Variants in CEP63 observed in about 807,000 individuals in gnomAD.
The protein encoded by CEP63 is centrosomal protein of 63 kDa.
CEP63 carries 84 observed loss-of-function variants against 89.1 expected under a neutral mutation model. The observed-to-expected ratio is 0.94, with a 90% CI of 0.79 to 1.13. The LOEUF is 1.13. Ranked by LOEUF, CEP63 falls within the 50% of genes most tolerant of loss-of-function variation. CEP63 has a pLI of 0.00. For missense variants in CEP63, 838 were observed against 813.3 expected (o/e 1.03, Z -0.37); for synonymous variants, 267 against 272.5 (o/e 0.98, Z 0.20).
the CEP63 span, among the ~76,000 whole-genome samples, chr3:134,760,203 C>T: frequency 3.3e-5 from 5 of 151,786 alleles, no homozygotes; most frequent in African/African-American, 7.3e-5. Flanking sequence ...GGACTACAGG[C>T]GCCCGCCACC....
chr3:134,487,708 C>G (rs747970678), intron 1 of CEP63, among the ~76,000 whole-genome samples: 11 of 152,200 alleles, frequency 7.2e-5, no homozygotes, highest in Admixed American at 2.0e-4. Flanking sequence ...TTTACAGAGC[C>G]ACAGTACTGT....
At chr3:134,715,533 TTTTTG>T in the CEP63 span, among the ~76,000 whole-genome samples, 2 of 24,088 alleles carry the variant, frequency 8.3e-5, no homozygotes, top group Non-Finnish European at 1.6e-4. Flanking sequence ...TTTTTGTTTT[TTTTTG>T]TTTTTTCCTC....
the CEP63 span, among the ~76,000 whole-genome samples, chr3:134,706,076 A>G: frequency 6.6e-6 from 1 of 152,142 alleles, no homozygotes; most frequent in Admixed American, 6.5e-5. Flanking sequence ...AGGTAAGTGG[A>G]AGTAGGGCTT....
At chr3:134,488,317 A>G (rs1416259823) in intron 1 of CEP63, among the ~76,000 whole-genome samples, 1 of 152,188 alleles carries the variant, frequency 6.6e-6, no homozygotes, top group Non-Finnish European at 1.5e-5. Context: ...TATTCATATT[A>G]CTGAAGAAGT....
At chr3:134,577,722 T>C (rs1185671419), downstream of CEP63, among the ~76,000 whole-genome samples, 1 of 152,122 alleles carries the variant, frequency 6.6e-6, no homozygotes, top group East Asian at 1.9e-4. Flanking sequence ...TCATCTAGGT[T>C]TTAAGCCCCA....
intron 2 of CEP63, among the ~76,000 whole-genome samples, chr3:134,496,545 G>A (rs1449637612): frequency 6.6e-6 from 1 of 152,116 alleles, no homozygotes; most frequent in Non-Finnish European, 1.5e-5. Context: ...GGTGACAGAT[G>A]CCAGGTGCTG....
chr3:134,713,950 G>C, the CEP63 span, among the ~76,000 whole-genome samples: 4 of 152,204 alleles, frequency 2.6e-5, no homozygotes, highest in African/African-American at 7.2e-5. Flanking sequence ...TGCTCAGACT[G>C]TCCGAGGCTG....
the CEP63 span, among the ~76,000 whole-genome samples, chr3:134,708,726 C>G: frequency 1.3e-5 from 2 of 152,178 alleles, no homozygotes; most frequent in South Asian, 4.1e-4. Context: ...CTTCCTGCCC[C>G]CTTTTGCCCC....
chr3:134,711,426 T>C, the CEP63 span, among the ~76,000 whole-genome samples: 1 of 152,198 alleles, frequency 6.6e-6, no homozygotes, highest in African/African-American at 2.4e-5. Flanking sequence ...GCCTTCTGCA[T>C]ACTTGTGACT....
At chr3:134,684,707 C>G in the CEP63 span, among the ~76,000 whole-genome samples, 1 of 152,334 alleles carries the variant, frequency 6.6e-6, no homozygotes, top group Non-Finnish European at 1.5e-5. Context: ...CAGACCTCAG[C>G]TGTGCTTGCA....
chr3:134,578,330 T>TTTTG (rs1553798176), downstream of CEP63, among the ~76,000 whole-genome samples: 1 of 39,872 alleles, frequency 2.5e-5, no homozygotes, highest in Non-Finnish European at 5.6e-5. Flanking sequence ...GTGTTTTTTT[T>TTTTG]TTTTTTTTTT....
the CEP63 span, among the ~76,000 whole-genome samples, chr3:134,705,338 G>C: frequency 5.3e-5 from 8 of 152,000 alleles, no homozygotes; most frequent in African/African-American, 1.7e-4. Flanking sequence ...CTGAGTGGGG[G>C]GTCTTACGGG....
At chr3:134,730,183 A>G in the CEP63 span, among the ~76,000 whole-genome samples, 151,996 of 152,342 alleles carry the variant, frequency 1, 75,829 homozygotes, top group Middle Eastern at 1. Flanking sequence ...TAAACAATGC[A>G]AAATTTTTAA....
chr3:134,748,213 C>A, the CEP63 span, among the ~76,000 whole-genome samples: 2 of 152,158 alleles, frequency 1.3e-5, no homozygotes, highest in Non-Finnish European at 1.5e-5. Context: ...ACTGGTGTTT[C>A]CTTTTTTCTG....
intron 11 of CEP63, 52 bp downstream of exon 11, chr3:134,550,312 A>G: frequency 6.8e-7 from 1 of 1,477,648 alleles, no homozygotes; most frequent in South Asian, 1.2e-5. Flanking sequence ...TTAAAGATGG[A>G]GTTGATTAAA....
Position 134,507,099 on chromosome 3 carries a change from T to C in CEP63, c.45-10T>C, listed in dbSNP as rs774435268. On this transcript the variant is annotated splice_polypyrimidine_tract_variant and intron_variant, in intron 2 of 14. Transcript: ENST00000675561. ...CTTCTGTTTTTTTAATGATCTGTTC[T>C]TCTTTATAGGGGATTTTTGACATCT... 1.2e-6 allele frequency: 2 copies of C among 1,612,210 alleles called. No individual in the cohort carries two copies. The highest frequency in any genetic ancestry group is 2.2e-5 in the South Asian group (2 of 91,022).
the CEP63 span, chr3:134,608,720 A>C: frequency 1.2e-6 from 2 of 1,614,042 alleles, no homozygotes; most frequent in South Asian, 1.1e-5. Flanking sequence ...CTTGTGATAC[A>C]TGTTGTTCTC....
At chr3:134,749,031 C>T in the CEP63 span, among the ~76,000 whole-genome samples, 1 of 152,080 alleles carries the variant, frequency 6.6e-6, no homozygotes, top group South Asian at 2.1e-4. Context: ...GTGGAAAGGG[C>T]AGGGAGGAGG....
the CEP63 span, among the ~76,000 whole-genome samples, chr3:134,666,483 C>T: frequency 6.6e-6 from 1 of 152,346 alleles, no homozygotes; most frequent in East Asian, 1.9e-4. Context: ...CTCATCTCTC[C>T]CCAGACTGTG....
Sources: gnomAD v4.1 joint callset for allele counts (sites outside exome capture counted in the v4.1 genomes callset) on GRCh38, gnomAD v4.1.1 for gene constraint, MANE v1.5 for transcripts, NCBI Gene and HGNC (gene_info 2026-07-23, HGNC 2026-07-21) for gene names.